Variants in FRYL observed in about 807,000 individuals in gnomAD.
FRYL encodes the protein FRY like transcription coactivator, also known as protein furry homolog-like.
FRYL carries 150 observed loss-of-function variants against 351.2 expected under a neutral mutation model. The observed-to-expected ratio is 0.43, with a 90% confidence interval of 0.37 to 0.49. The LOEUF is 0.49. FRYL is among the 20% of genes least tolerant of loss of function. The probability of loss-of-function intolerance (pLI) is 0.00; values close to 1 mark genes in which losing one functional copy is unlikely to be tolerated. For synonymous variants in FRYL, 1,153 were observed against 1,257.1 expected (o/e 0.92, Z 1.75); for missense variants, 3,036 against 3,619.3 (o/e 0.84, Z 4.13).
Position 48,564,103 on chromosome 4 carries a change from C to G in FRYL, c.3442-1G>C. 1 of 1,613,288 alleles carries G rather than the reference C, an allele frequency of 6.2e-7. No individual in the cohort carries two copies. Among genetic ancestry groups the G allele is most frequent in the Non-Finnish European group, 8.5e-7 (1 of 1,179,768 alleles). ...CTGCTTCACAGCCCAGCTGGTGAAC[C>G]TAGGTAAAGGTTGTGAAATTGCCCG... On this transcript the variant is annotated splice_acceptor_variant, in intron 30 of 63. Transcript: ENST00000358350. LOFTEE classifies it high-confidence loss of function.
In FRYL at chr4:48,563,082, G is replaced by C. The variant is rs80088874; in HGVS notation, c.3597-94C>G. 4,363 of 781,900 alleles carry C rather than the reference G, an allele frequency of 5.6e-3. 125 individuals are homozygous for C. The African/African-American group carries it at 0.066, about 12-fold the overall frequency. The allele number at this position is 781,900 out of a possible 1,614,324, so 48.4% of individuals were successfully genotyped here. ...GATATGCAAAGGGCAAGGCTTATAGGCATCTATCTTCTAAGCCTATGAGGA... is the reference window on the plus strand; with the variant it reads ...GATATGCAAAGGGCAAGGCTTATAGCCATCTATCTTCTAAGCCTATGAGGA... On this transcript the variant is annotated intron_variant, in intron 31 of 63. Coordinates refer to ENST00000358350, the MANE Select transcript of FRYL (RefSeq NM_015030.2).
chr4:48,639,395 C>A (rs912428420), intron 3 of FRYL, among the ~76,000 whole-genome samples: 1 of 151,902 alleles, frequency 6.6e-6, no homozygotes, highest in African/African-American at 2.4e-5. Context: ...CAAATACTAT[C>A]AACTGATCTT....
intron 1 of FRYL, among the ~76,000 whole-genome samples, chr4:48,713,864 G>C (rs1241604106): frequency 6.6e-6 from 1 of 152,044 alleles, no homozygotes; most frequent in African/African-American, 2.4e-5. Context: ...TAACCACATA[G>C]TTGGAAGTAA....
intron 1 of FRYL, among the ~76,000 whole-genome samples, chr4:48,737,531 T>C (rs1441338299): frequency 1.3e-5 from 2 of 152,186 alleles, no homozygotes; most frequent in Admixed American, 1.3e-4. Flanking sequence ...CATTCACTGG[T>C]GAATTCTACC....
chr4:48,605,785 C>T lies in FRYL; in HGVS notation c.790G>A (p.Ala264Thr). 6.2e-7 allele frequency: 1 copy of T among 1,609,372 alleles called. No individual in the cohort carries two copies. Among genetic ancestry groups the T allele is most frequent in the East Asian group, 2.2e-5 (1 of 44,754 alleles). Residue 264 changes from alanine to threonine, a missense_variant, in exon 11 of 64, where the codon GCA becomes ACA. Ala to Thr is a moderately conservative substitution (Grantham distance 58). Transcript: ENST00000358350. ...ATCTCCACAAATAAACCAGCAAGTG[C>T]ATGTTTTATATCTTTATCTTTCACT... Reference protein sequence around the residue: ...LEVKDKDIKHALAGLFVEILI... With the variant: ...LEVKDKDIKHTLAGLFVEILI...
intron 7 of FRYL, among the ~76,000 whole-genome samples, chr4:48,613,031 A>T (rs563584624): frequency 2.6e-5 from 4 of 152,326 alleles, no homozygotes; most frequent in African/African-American, 9.6e-5. Flanking sequence ...TTGGGACCAG[A>T]AGTGTTTTGG....
At chr4:48,700,474 A>C (rs538386926) in intron 2 of FRYL, among the ~76,000 whole-genome samples, 1 of 152,296 alleles carries the variant, frequency 6.6e-6, no homozygotes, top group East Asian at 1.9e-4. Flanking sequence ...AGCTACAATG[A>C]ATATTTTTGC....
At chr4:48,723,252 C>T (rs983775100) in intron 1 of FRYL, among the ~76,000 whole-genome samples, 3 of 152,116 alleles carry the variant, frequency 2.0e-5, no homozygotes, top group Non-Finnish European at 4.4e-5. Flanking sequence ...AAGCGATCCT[C>T]CCACCTTAGC....
intron 1 of FRYL, among the ~76,000 whole-genome samples, chr4:48,744,050 T>C (rs555617861): frequency 1.3e-5 from 2 of 152,334 alleles, no homozygotes; most frequent in South Asian, 4.1e-4. Context: ...TATGTGAGCA[T>C]CTAGATGAAT....
chr4:48,550,527 C>G (rs767881623), intron 38 of FRYL, 65 bp downstream of exon 38: 1 of 947,534 alleles, frequency 1.1e-6, no homozygotes, highest in South Asian at 1.4e-5. Context: ...TATTTATTAA[C>G]ATTAATGTAA....
At chr4:48,736,099 C>T (rs982817405) in intron 1 of FRYL, among the ~76,000 whole-genome samples, 13 of 150,462 alleles carry the variant, frequency 8.6e-5, no homozygotes, top group African/African-American at 3.2e-4. Context: ...GGAGATTAAA[C>T]AACACACTTC....
intron 50 of FRYL, among the ~76,000 whole-genome samples, chr4:48,529,102 T>C (rs1378196010): frequency 6.6e-6 from 1 of 152,166 alleles, no homozygotes; most frequent in Non-Finnish European, 1.5e-5. Flanking sequence ...CCATGCTCTT[T>C]TATAGACCCG....
chr4:48,620,726 C>T lies in FRYL; in HGVS notation c.227G>A (p.Arg76His), dbSNP rs756586585. The change falls in exon 6 of 64, where the codon CGC (arginine) becomes CAC (histidine). Residue 76 changes from arginine to histidine, a missense_variant. Arg to His is a conservative substitution (Grantham distance 29). Transcript: ENST00000358350. ...GCGTCTGTACCAGTCAAACAAGGTG[C>T]GAAGTAAGGAAGGGAGACAGTGCTC... ...VAEHCLPSLL[R>H]TLFDWYRRQN... is the part of the protein sequence containing the mutation. The T allele has an allele frequency of 1.4e-5, 23 of 1,613,654 alleles. No individual in the cohort carries two copies. Among genetic ancestry groups the T allele is most frequent in the South Asian group, 4.4e-5 (4 of 91,048 alleles).
rs1730273731 is a variant in FRYL at position 48,541,970 on chromosome 4, T to C, written c.5687+57A>G. 5 of 1,108,932 alleles carry C rather than the reference T, an allele frequency of 4.5e-6. No individual in the cohort carries two copies. In the South Asian group the frequency reaches 5.0e-5, roughly 11 times the overall value. 68.7% of individuals were successfully genotyped at this position (1,108,932 alleles called of 1,614,324 possible). ...ATTAGAATTTTAAAAGTTATAGCTATATGTAGTTAGCTATTCAAGTTCTCT... is the reference window on the plus strand; with the variant it reads ...ATTAGAATTTTAAAAGTTATAGCTACATGTAGTTAGCTATTCAAGTTCTCT... On this transcript the variant is annotated intron_variant, in intron 45 of 63. Transcript: ENST00000358350.
intron 2 of FRYL, among the ~76,000 whole-genome samples, chr4:48,702,503 C>T (rs534466724): frequency 9.8e-6 from 1 of 102,404 alleles, no homozygotes; most frequent in Admixed American, 1.2e-4. Context: ...ATGCTGGGCG[C>T]GGTGGCTCAC....
chr4:48,595,486 A>G (rs2149226798), intron 15 of FRYL, 104 bp downstream of exon 15: 1 of 580,516 alleles, frequency 1.7e-6, no homozygotes. Flanking sequence ...TCAATGTTGT[A>G]TTACTATGTT....
At chr4:48,594,892 C>G (rs1373537117) in intron 15 of FRYL, among the ~76,000 whole-genome samples, 1 of 152,216 alleles carries the variant, frequency 6.6e-6, no homozygotes, top group Non-Finnish European at 1.5e-5. Flanking sequence ...CTCTAATAAT[C>G]CTTCCTTTAC....
In FRYL at chr4:48,634,427, C is replaced by T. The variant is rs1277361529; in HGVS notation, c.-17G>A. The stretch of plus-strand genomic sequence containing the variant: ...GTTTGACATGATGATATTTTTTTTT[C>T]CCCAAGTGGAATGAAAGTTGGAAGA... On this transcript the variant is annotated 5_prime_UTR_variant, in exon 4 of 64. Coordinates refer to ENST00000358350, the MANE Select transcript of FRYL (RefSeq NM_015030.2). 2.5e-6 allele frequency: 4 copies of T among 1,610,520 alleles called. No homozygotes were observed. Among genetic ancestry groups the T allele is most frequent in the Non-Finnish European group, 3.4e-6 (4 of 1,177,654 alleles).
In FRYL at chr4:48,557,403, A is replaced by G. The variant is rs754121329; in HGVS notation, c.4125+50T>C. 23 of 1,600,734 alleles carry G rather than the reference A, an allele frequency of 1.4e-5. No homozygotes were observed. In the East Asian group the frequency reaches 2.5e-4, roughly 17 times the overall value. On this transcript the variant is annotated intron_variant, in intron 34 of 63. Coordinates refer to ENST00000358350, the MANE Select transcript of FRYL (RefSeq NM_015030.2). ...TCTTCATCTGTTTCTAACCACATCT[A>G]CTCACTCAATAATTCTGTGCAGCAA...
Sources: gnomAD v4.1 joint callset for allele counts (sites outside exome capture counted in the v4.1 genomes callset) on GRCh38, gnomAD v4.1.1 for gene constraint, MANE v1.5 for transcripts, NCBI Gene and HGNC (gene_info 2026-07-23, HGNC 2026-07-21) for gene names.